NAV2: variants seen among roughly 807,000 people sequenced by gnomAD.
NAV2 encodes the protein helicase, APC down-regulated 1.
In NAV2, 54 loss-of-function variants were observed where a neutral mutation model predicts 223.2. That is an observed-to-expected ratio of 0.24 (90% confidence interval 0.19 to 0.30). NAV2 has a LOEUF of 0.30. Ranked by LOEUF, NAV2 falls within the 10% of genes least tolerant of loss-of-function variation. The probability of loss-of-function intolerance (pLI) is 1.00; values close to 1 mark genes in which losing one functional copy is unlikely to be tolerated. For synonymous variants in NAV2, 1,279 were observed against 1,239.3 expected, an observed-to-expected ratio of 1.03 and a Z score of -0.67; for missense variants, 2,806 against 3,147.5, an observed-to-expected ratio of 0.89 and a Z score of 2.60.
At chr11:19,721,414 AACT>A (rs2050742783) in intron 1 of NAV2, among the ~76,000 whole-genome samples, 1 of 152,234 alleles carries the variant, frequency 6.6e-6, no homozygotes, top group Non-Finnish European at 1.5e-5. Context: ...GTTGAGTGTT[AACT>A]GGCCGGGCTG....
At chr11:19,748,617 CA>C (rs2053562530) in intron 1 of NAV2, among the ~76,000 whole-genome samples, 1 of 152,216 alleles carries the variant, frequency 6.6e-6, no homozygotes, top group Admixed American at 6.5e-5. Flanking sequence ...GTAAGGAATG[CA>C]TATCTGTTAA....
chr11:19,794,541 T>A (rs559882029), intron 1 of NAV2, among the ~76,000 whole-genome samples: 2 of 152,328 alleles, frequency 1.3e-5, no homozygotes, highest in East Asian at 3.9e-4. Context: ...CCTTTTCCCT[T>A]CTCAAACATT....
intron 1 of NAV2, among the ~76,000 whole-genome samples, chr11:19,767,139 C>T (rs781088769): frequency 4.3e-4 from 65 of 152,336 alleles, no homozygotes; most frequent in Admixed American, 7.2e-4. Flanking sequence ...ATACAAGAAT[C>T]TCTTCTTTGG....
At chr11:19,599,138 T>C in intron 1 of NAV2, among the ~76,000 whole-genome samples, 1 of 152,218 alleles carries the variant, frequency 6.6e-6, no homozygotes, top group East Asian at 1.9e-4. Flanking sequence ...TCCTTTTCAA[T>C]GTGTCCTCAT....
chr11:19,529,298 C>CATTGCATTG (rs938143609), intron 1 of NAV2, among the ~76,000 whole-genome samples: 1 of 152,228 alleles, frequency 6.6e-6, no homozygotes, highest in African/African-American at 2.4e-5. Context: ...AGCTACATCT[C>CATTGCATTG]ATTGCATTGA....
chr11:19,447,588 G>T (rs2729866), intron 1 of NAV2, among the ~76,000 whole-genome samples: 59,411 of 152,074 alleles, frequency 0.39, 13,520 homozygotes, highest in African/African-American at 0.63. Context: ...AGCATTCAGT[G>T]AGCTGCTATT....
chr11:20,035,593 T>C (rs1456866507), intron 11 of NAV2, among the ~76,000 whole-genome samples: 3 of 152,176 alleles, frequency 2.0e-5, no homozygotes, highest in Non-Finnish European at 4.4e-5. Context: ...TGCATGCTTT[T>C]AGCTCTAGTC....
At chr11:19,835,352 C>G (rs536144871) in intron 2 of NAV2, among the ~76,000 whole-genome samples, 1 of 152,354 alleles carries the variant, frequency 6.6e-6, no homozygotes, top group African/African-American at 2.4e-5. Context: ...GCATGTGACT[C>G]TCTCGCCAGA....
At chr11:19,412,143 C>G (rs897135367) in intron 1 of NAV2, among the ~76,000 whole-genome samples, 1 of 152,204 alleles carries the variant, frequency 6.6e-6, no homozygotes, top group African/African-American at 2.4e-5. Context: ...GCTCCCACCC[C>G]CACAGAGCCC....
chr11:19,638,571 A>AGGG, intron 1 of NAV2, among the ~76,000 whole-genome samples: 1 of 152,362 alleles, frequency 6.6e-6, no homozygotes, highest in Non-Finnish European at 1.5e-5. Context: ...AAGGTCTTAT[A>AGGG]TGCATTAACT....
rs540597969 is a variant in NAV2 at position 20,018,505 on chromosome 11, T to G, written c.2769-17454T>G. On this transcript the variant is annotated intron_variant, in intron 11 of 37. Coordinates refer to ENST00000349880, the MANE Select transcript of NAV2 (RefSeq NM_145117.5). ...TATTGTTTGTGTATCTTTTTTCTTATGGAGAGACGGGCCCCTAAGTGGGTC... is the reference window on the plus strand; with the variant it reads ...TATTGTTTGTGTATCTTTTTTCTTAGGGAGAGACGGGCCCCTAAGTGGGTC... Among the ~76,000 whole-genome samples, 68 of 152,260 alleles carry G rather than the reference T, an allele frequency of 4.5e-4. No homozygotes were observed. The South Asian group carries it at 0.014, about 31-fold the overall frequency.
At chr11:19,797,549 A>G (rs1257853652) in intron 1 of NAV2, among the ~76,000 whole-genome samples, 2 of 152,056 alleles carry the variant, frequency 1.3e-5, no homozygotes, top group Admixed American at 1.3e-4. Context: ...CTTGACCATG[A>G]TGTGGAAGAT....
intron 11 of NAV2, among the ~76,000 whole-genome samples, chr11:19,997,407 A>C (rs1212500296): frequency 6.6e-6 from 1 of 152,166 alleles, no homozygotes; most frequent in Non-Finnish European, 1.5e-5. Context: ...CCAGAAACAG[A>C]GGCTCCTTGG....
Position 19,957,724 on chromosome 11 carries a change from C to T in NAV2, c.2645+8644C>T, listed in dbSNP as rs147709314. Among the ~76,000 whole-genome samples the T allele has an allele frequency of 1.3e-3, 191 of 152,312 alleles. 1 individual carries two copies. The highest frequency in any genetic ancestry group is 4.2e-3 in the African/African-American group (173 of 41,564). Reference sequence around the variant, plus strand: ...GGAGAAATTCTCCAGCACTCCCATGCGCACTCTGTCCACTGCTGGTGACGA... The same window carrying T: ...GGAGAAATTCTCCAGCACTCCCATGTGCACTCTGTCCACTGCTGGTGACGA... On this transcript the variant is annotated intron_variant, in intron 10 of 37. Coordinates refer to ENST00000349880, the MANE Select transcript of NAV2 (RefSeq NM_145117.5).
intron 1 of NAV2, among the ~76,000 whole-genome samples, chr11:19,635,692 A>G (rs544517745): frequency 1.0e-3 from 154 of 152,350 alleles, no homozygotes; most frequent in African/African-American, 3.7e-3. Flanking sequence ...TAACTAACCC[A>G]GTCCCATGAG....
At chr11:19,821,077 A>C (rs1012185158) in intron 1 of NAV2, among the ~76,000 whole-genome samples, 3 of 152,134 alleles carry the variant, frequency 2.0e-5, no homozygotes, top group African/African-American at 4.8e-5. Context: ...CCTGGCTAAC[A>C]CGGTGAAACC....
At chr11:19,817,863 G>C (rs966859522) in intron 1 of NAV2, among the ~76,000 whole-genome samples, 2 of 152,132 alleles carry the variant, frequency 1.3e-5, no homozygotes, top group Non-Finnish European at 2.9e-5. Context: ...TGTCCTTTCT[G>C]AGAAGGATTC....
intron 36 of NAV2, among the ~76,000 whole-genome samples, chr11:20,113,579 A>G (rs1231428414): frequency 6.6e-6 from 1 of 152,240 alleles, no homozygotes; most frequent in East Asian, 1.9e-4. Flanking sequence ...TTTGAGAAAT[A>G]CATGACAAGA....
intron 6 of NAV2, among the ~76,000 whole-genome samples, chr11:19,895,571 G>C (rs1169846689): frequency 6.6e-6 from 1 of 152,154 alleles, no homozygotes; most frequent in Non-Finnish European, 1.5e-5. Context: ...GGGGAGGTCT[G>C]TTATGAGGAT....
Sources: gnomAD v4.1 joint callset for allele counts (sites outside exome capture counted in the v4.1 genomes callset) on GRCh38, gnomAD v4.1.1 for gene constraint, MANE v1.5 for transcripts, NCBI Gene and HGNC (gene_info 2026-07-23, HGNC 2026-07-21) for gene names.